The following ABCA13 variants were observed in gnomAD, a reference collection of about 807,000 sequenced individuals.
ABCA13 encodes the protein ATP-binding cassette sub-family A member 13.
In ABCA13, 476 loss-of-function variants were observed where a neutral mutation model predicts 478.7. The ratio of observed to expected loss-of-function variants is 0.99; its 90% CI spans 0.92 to 1.07. ABCA13 has a LOEUF of 1.07. ABCA13 is among the 50% of genes least tolerant of loss of function. The pLI is 0.00. For synonymous variants in ABCA13, 2,252 were observed against 2,158.9 expected (o/e 1.04, Z -1.20); for missense variants, 6,060 against 5,910.6 (o/e 1.03, Z -0.83).
At chr7:48,188,623 T>C (rs540945666) in intron 1 of ABCA13, among the ~76,000 whole-genome samples, 43 of 152,266 alleles carry the variant, frequency 2.8e-4, no homozygotes, top group Non-Finnish European at 4.0e-4. Flanking sequence ...TATTCCTGCC[T>C]CCTCTAATTT....
intron 38 of ABCA13, among the ~76,000 whole-genome samples, chr7:48,399,569 C>T (rs1817308562): frequency 6.6e-6 from 1 of 152,128 alleles, no homozygotes; most frequent in African/African-American, 2.4e-5. Context: ...TTAGAAATTA[C>T]AAGGTCTAGG....
At chr7:48,418,693 G>A (rs12532980) in intron 41 of ABCA13, among the ~76,000 whole-genome samples, 57,984 of 151,878 alleles carry the variant, frequency 0.38, 11,718 homozygotes, top group African/African-American at 0.52. Flanking sequence ...CTGGATTGTG[G>A]CATAAATATG....
intron 27 of ABCA13, among the ~76,000 whole-genome samples, chr7:48,328,178 G>A (rs572450520): frequency 6.6e-6 from 1 of 152,324 alleles, no homozygotes; most frequent in African/African-American, 2.4e-5. Flanking sequence ...CGGGCTGGAA[G>A]TGCACAGGCT....
At chr7:48,196,217 C>T (rs1214110657) in intron 2 of ABCA13, among the ~76,000 whole-genome samples, 1 of 152,096 alleles carries the variant, frequency 6.6e-6, no homozygotes, top group African/African-American at 2.4e-5. Context: ...GTTCCTTATC[C>T]TCGAAGTTTC....
chr7:48,227,459 A>G (rs372859108), intron 6 of ABCA13, 34 bp downstream of exon 6: 2 of 1,601,952 alleles, frequency 1.2e-6, no homozygotes, highest in African/African-American at 2.7e-5. Context: ...CTAAGTATCA[A>G]TATGTTGTTT....
chr7:48,413,798 T>C (rs1027133039), intron 41 of ABCA13, among the ~76,000 whole-genome samples: 1 of 152,194 alleles, frequency 6.6e-6, no homozygotes, highest in Admixed American at 6.5e-5. Flanking sequence ...TATTACAAAA[T>C]GCTTTTATAC....
chr7:48,396,066 G>C (rs1216759418), intron 38 of ABCA13, among the ~76,000 whole-genome samples: 2 of 152,186 alleles, frequency 1.3e-5, no homozygotes, highest in Non-Finnish European at 2.9e-5. Flanking sequence ...GTGGTGCTAG[G>C]CTCCCACCAG....
At chr7:48,176,125 T>C (rs1401579487) in intron 1 of ABCA13, among the ~76,000 whole-genome samples, 2 of 152,166 alleles carry the variant, frequency 1.3e-5, no homozygotes, top group South Asian at 2.1e-4. Flanking sequence ...TGTTGACACC[T>C]TGGATCTCTG....
Position 48,276,170 on chromosome 7 carries a change from T to C in ABCA13, c.6504T>C (p.Phe2168=), listed in dbSNP as rs1360776760. ...IALLAKAIAT[F]WGSLKNISRA... is the part of the protein sequence containing the mutation. ...TGTTAGCCAAAGCTATTGCTACTTT[T>C]TGGGGCTCTTTAAAAAATATATCTA... The change falls in exon 17 of 62, where the codon TTT becomes TTC. Residue 2168 remains phenylalanine, a synonymous_variant. Coordinates refer to ENST00000435803, the MANE Select transcript of ABCA13 (RefSeq NM_152701.5). 1 of 1,594,476 alleles carries C rather than the reference T, an allele frequency of 6.3e-7. No individual in the cohort carries two copies. Among genetic ancestry groups the C allele is most frequent in the South Asian group, 1.1e-5 (1 of 87,426 alleles).
intron 54 of ABCA13, among the ~76,000 whole-genome samples, chr7:48,525,346 C>T (rs1244002418): frequency 1.2e-4 from 18 of 152,044 alleles, no homozygotes; most frequent in Non-Finnish European, 1.5e-5. Flanking sequence ...CTTTAAAAAT[C>T]ATGATTATTA....
At chr7:48,512,157 C>G (rs1385872701) in intron 51 of ABCA13, among the ~76,000 whole-genome samples, 3 of 151,302 alleles carry the variant, frequency 2.0e-5, no homozygotes, top group Admixed American at 1.3e-4. Flanking sequence ...GAGAGAGAAA[C>G]AAGACAGACA....
At chr7:48,430,375 A>G (rs1245058267) in intron 42 of ABCA13, among the ~76,000 whole-genome samples, 1 of 152,022 alleles carries the variant, frequency 6.6e-6, no homozygotes, top group Non-Finnish European at 1.5e-5. Context: ...TTTGTTTTTT[A>G]AAAGTCTGTA....
chr7:48,334,763 A>G (rs1021440582), intron 27 of ABCA13, among the ~76,000 whole-genome samples: 3 of 151,998 alleles, frequency 2.0e-5, no homozygotes, highest in Non-Finnish European at 4.4e-5. Context: ...ATGTGGTTAG[A>G]CTCTCAAACC....
intron 50 of ABCA13, among the ~76,000 whole-genome samples, chr7:48,508,902 T>G (rs1173161762): frequency 6.6e-6 from 1 of 152,212 alleles, no homozygotes; most frequent in Non-Finnish European, 1.5e-5. Flanking sequence ...ATTTATTTTC[T>G]TTTGATCATG....
intron 44 of ABCA13, among the ~76,000 whole-genome samples, chr7:48,468,699 C>A (rs1827152149): frequency 6.6e-6 from 1 of 152,156 alleles, no homozygotes; most frequent in Admixed American, 6.5e-5. Context: ...AAGACTTGGG[C>A]AATCACTTGA....
At chr7:48,480,339 T>A (rs1321890288) in intron 45 of ABCA13, among the ~76,000 whole-genome samples, 1 of 152,260 alleles carries the variant, frequency 6.6e-6, no homozygotes, top group East Asian at 1.9e-4. Context: ...GTGATTGGCT[T>A]TCTGTGCAGC....
rs764225444 is a variant in ABCA13 at position 48,391,981 on chromosome 7, C to A, written c.11715C>A (p.Asn3905Lys). The A allele has an allele frequency of 8.1e-6, 13 of 1,613,876 alleles. No homozygotes were observed. The East Asian group carries it at 2.7e-4, about 33-fold the overall frequency. ...GAACCATCATCATCAATGGCAAGAACCTACAGACAGACCTGTCGAGGGTCA... is the reference window on the plus strand; with the variant it reads ...GAACCATCATCATCAATGGCAAGAAACTACAGACAGACCTGTCGAGGGTCA... ...TSGTIIINGK[N>K]LQTDLSRVRM... The change falls in exon 38 of 62, where the codon AAC (asparagine) becomes AAA (lysine). Residue 3905 changes from asparagine (N) to lysine (K), a missense_variant. Asn to Lys is a moderately conservative substitution (Grantham distance 94). Around this residue, in one of 3 missense-constraint regions of ABCA13, gnomAD observed 1,627 missense variants for 1,571.0 expected, o/e 1.04. Transcript: ENST00000435803.
intron 19 of ABCA13, among the ~76,000 whole-genome samples, chr7:48,286,527 C>G (rs1387021215): frequency 6.6e-6 from 1 of 151,438 alleles, no homozygotes; most frequent in Admixed American, 6.6e-5. Flanking sequence ...TTTTTTCAGA[C>G]AGAGTCTCGC....
intron 3 of ABCA13, among the ~76,000 whole-genome samples, chr7:48,202,526 C>A (rs886185669): frequency 8.0e-5 from 12 of 150,612 alleles, no homozygotes; most frequent in Non-Finnish European, 1.5e-4. Context: ...TACAGAGTGT[C>A]GATTGTTGCA....
Sources: gnomAD v4.1 joint callset for allele counts (sites outside exome capture counted in the v4.1 genomes callset) on GRCh38, gnomAD v4.1.1 for gene constraint, gnomAD v4.1.1 regional missense constraint, MANE v1.5 for transcripts, NCBI Gene and HGNC (gene_info 2026-07-23, HGNC 2026-07-21) for gene names.